Variants in MAGED1 observed in about 807,000 individuals in gnomAD.
MAGED1 encodes the protein MAGE family member D1.
Under a neutral mutation model 54.1 loss-of-function variants are expected in MAGED1, and 3 were observed. The ratio of observed to expected loss-of-function variants is 0.06; its 90% CI spans 0.03 to 0.14. The LOEUF (loss-of-function observed/expected upper bound fraction) is 0.14. Ranked by LOEUF, MAGED1 falls within the 10% of genes least tolerant of loss-of-function variation. MAGED1 has a pLI of 1.00. For synonymous variants in MAGED1, 217 were observed against 227.3 expected, an observed-to-expected ratio of 0.95 and a Z score of 0.41; for missense variants, 485 against 623.4, an observed-to-expected ratio of 0.78 and a Z score of 2.36.
chrX:51,863,289 G>T (rs1557360830), intron 1 of MAGED1, among the ~76,000 whole-genome samples: 5 of 112,445 alleles, frequency 4.4e-5, no homozygotes. Flanking sequence ...TGTTGCAAAT[G>T]GCAGGATTTC....
chrX:51,896,139 A>C, intron 3 of MAGED1: 1 of 392,112 alleles, frequency 2.6e-6, no homozygotes, highest in East Asian at 4.0e-5. Flanking sequence ...AAGTGACTTG[A>C]GTGATTTGTT....
intron 1 of MAGED1, among the ~76,000 whole-genome samples, chrX:51,816,626 G>T (rs1925438642): frequency 1.8e-5 from 2 of 111,029 alleles, no homozygotes; most frequent in African/African-American, 6.6e-5. Flanking sequence ...ATCTAGGTTT[G>T]TGTAAGTACA....
intron 1 of MAGED1, among the ~76,000 whole-genome samples, chrX:51,849,402 A>G (rs1926805911): frequency 9.0e-6 from 1 of 111,537 alleles, no homozygotes; most frequent in Non-Finnish European, 1.9e-5. Flanking sequence ...TTTAAATCTT[A>G]AGGTCTGTAA....
intron 1 of MAGED1, among the ~76,000 whole-genome samples, chrX:51,846,949 A>G (rs967449492): frequency 1.8e-5 from 2 of 112,025 alleles, no homozygotes; most frequent in African/African-American, 6.5e-5. Flanking sequence ...GACTTTCACA[A>G]CTATAAGAAA....
chrX:51,878,776 T>C (rs919503613), intron 1 of MAGED1, among the ~76,000 whole-genome samples: 1 of 111,738 alleles, frequency 8.9e-6, no homozygotes, highest in Non-Finnish European at 1.9e-5. Flanking sequence ...ATAAAGAAGA[T>C]AAAATCAAGT....
At chrX:51,806,639 G>A (rs993613890) in intron 1 of MAGED1, among the ~76,000 whole-genome samples, 2 of 111,593 alleles carry the variant, frequency 1.8e-5, no homozygotes, top group African/African-American at 3.3e-5. Flanking sequence ...GAGCATTCTA[G>A]TACATGTCTT....
chrX:51,827,593 C>T (rs141277336), intron 1 of MAGED1, among the ~76,000 whole-genome samples: 1 of 111,520 alleles, frequency 9.0e-6, no homozygotes, highest in Non-Finnish European at 1.9e-5. Context: ...AATATACATA[C>T]CCTTCTGGTG....
chrX:51,877,640 A>G (rs1389888756), intron 1 of MAGED1, among the ~76,000 whole-genome samples: 1 of 111,756 alleles, frequency 8.9e-6, no homozygotes, highest in Non-Finnish European at 1.9e-5. Flanking sequence ...TTGGTCAAGT[A>G]GGTAAGTTCA....
intron 1 of MAGED1, among the ~76,000 whole-genome samples, chrX:51,866,187 T>A (rs1424422477): frequency 8.9e-6 from 1 of 112,513 alleles, no homozygotes; most frequent in African/African-American, 3.2e-5. Context: ...TTCTTATTAC[T>A]TTTTAGTCAG....
At chrX:51,834,508 T>C (rs1313127381) in intron 1 of MAGED1, among the ~76,000 whole-genome samples, 4 of 112,483 alleles carry the variant, frequency 3.6e-5, no homozygotes, top group Non-Finnish European at 7.5e-5. Flanking sequence ...AATTTTGAAC[T>C]GGAGTCCATC....
intron 1 of MAGED1, among the ~76,000 whole-genome samples, chrX:51,870,388 T>A (rs1407623301): frequency 8.9e-6 from 1 of 112,080 alleles, no homozygotes; most frequent in Non-Finnish European, 1.9e-5. Flanking sequence ...TCTTTTTCTA[T>A]AATGTGAAGT....
chrX:51,804,181 AAAT>A (rs1254479879), intron 1 of MAGED1, among the ~76,000 whole-genome samples: 2 of 112,097 alleles, frequency 1.8e-5, no homozygotes, highest in African/African-American at 6.5e-5. Flanking sequence ...ATTAGTTATT[AAAT>A]AATAATCACA....
intron 1 of MAGED1, among the ~76,000 whole-genome samples, chrX:51,830,690 G>C (rs1444334397): frequency 9.0e-6 from 1 of 110,876 alleles, no homozygotes; most frequent in East Asian, 2.8e-4. Context: ...TCAAAGTACA[G>C]GTGTAAGGAG....
intron 1 of MAGED1, chrX:51,858,093 C>T (rs1043456689): frequency 1.8e-5 from 2 of 112,485 alleles, no homozygotes; most frequent in African/African-American, 6.5e-5. Context: ...CATAATTACA[C>T]GCCTGCCAGT....
chrX:51,859,935 A>AG (rs1927218168), intron 1 of MAGED1, among the ~76,000 whole-genome samples: 1 of 95,043 alleles, frequency 1.1e-5, no homozygotes, highest in South Asian at 6.1e-4. Context: ...ATTCTGTCTC[A>AG]AAAAAGAAAG....
At chrX:51,856,782 T>C (rs1268784821) in intron 1 of MAGED1, among the ~76,000 whole-genome samples, 1 of 111,880 alleles carries the variant, frequency 8.9e-6, no homozygotes, top group Non-Finnish European at 1.9e-5. Context: ...AAGAGTTGAA[T>C]GTATTCCTTA....
At chrX:51,830,774 A>G (rs1926034372) in intron 1 of MAGED1, among the ~76,000 whole-genome samples, 1 of 111,930 alleles carries the variant, frequency 8.9e-6, no homozygotes, top group African/African-American at 3.3e-5. Context: ...TCTATCATGT[A>G]TTTGTCACCT....
Position 51,902,306 on chromosome X carries a change from T to A in MAGED1, c.*169T>A. On this transcript the variant is annotated 3_prime_UTR_variant, in exon 13 of 13. Coordinates refer to ENST00000326587, the MANE Select transcript of MAGED1 (RefSeq NM_006986.4). ...GTCTACTGCTTTTTTTCCCCTTGTG[T>A]GCTGTCAAGTTTTGGTATCAGAAAT... 1 of 141,373 alleles carries A rather than the reference T, an allele frequency of 7.1e-6. No individual in the cohort carries two copies. Among genetic ancestry groups the A allele is most frequent in the Non-Finnish European group, 1.4e-5 (1 of 72,045 alleles). The allele number at this position is 141,373 out of a possible 1,213,427, so 11.7% of individuals were successfully genotyped here.
At chrX:51,859,937 A>AAAAGAAAGAAAGAAAG (rs200966292) in intron 1 of MAGED1, among the ~76,000 whole-genome samples, 1 of 107,509 alleles carries the variant, frequency 9.3e-6, no homozygotes, top group East Asian at 3.0e-4. Flanking sequence ...TCTGTCTCAA[A>AAAAGAAAGAAAGAAAG]AAAGAAAGAA....
Sources: allele counts gnomAD v4.1 joint callset (sites outside exome capture counted in the v4.1 genomes callset), GRCh38; gene constraint gnomAD v4.1.1; transcripts MANE v1.5; gene names NCBI Gene and HGNC (gene_info 2026-07-23, HGNC 2026-07-21).